The following XG variants were observed in gnomAD, a reference collection of about 807,000 sequenced individuals.
XG encodes the protein Xg glycoprotein (Xg blood group).
In XG, 24 loss-of-function variants were observed where a neutral mutation model predicts 25.7. The ratio of observed to expected loss-of-function variants is 0.93; its 90% CI spans 0.68 to 1.31. The LOEUF (loss-of-function observed/expected upper bound fraction) is 1.31, where lower values mean the gene tolerates loss of function less well. Ranked by LOEUF, XG falls within the 40% of genes most tolerant of loss-of-function variation. The probability of loss-of-function intolerance (pLI) is 0.00; values close to 1 mark genes in which losing one functional copy is unlikely to be tolerated. For missense variants in XG, 181 were observed against 187.6 expected (o/e 0.96, Z 0.21); for synonymous variants, 77 against 69.2 (o/e 1.11, Z -0.56).
At chrX:2,755,284 G>T (rs1186854470) in intron 1 of XG, among the ~76,000 whole-genome samples, 3 of 152,188 alleles carry the variant, frequency 2.0e-5, no homozygotes, top group Non-Finnish European at 2.9e-5. Flanking sequence ...CATTTTTATG[G>T]TTATTTCTTA....
intron 1 of XG, among the ~76,000 whole-genome samples, chrX:2,764,705 G>A (rs1431989623): frequency 2.0e-5 from 3 of 151,976 alleles, no homozygotes; most frequent in East Asian, 3.9e-4. Context: ...TGATTTAAAT[G>A]AACCCACACT....
chrX:2,790,851 AATT>A (rs1208752446), intron 5 of XG, among the ~76,000 whole-genome samples: 9 of 111,736 alleles, frequency 8.1e-5, no homozygotes, highest in Admixed American at 7.6e-4. Flanking sequence ...ATGACTTAAA[AATT>A]CTCATCTCCA....
chrX:2,769,411 C>T (rs1331522968), intron 1 of XG, among the ~76,000 whole-genome samples: 1 of 152,214 alleles, frequency 6.6e-6, no homozygotes, highest in African/African-American at 2.4e-5. Context: ...CTTCCCAGAA[C>T]CTCAGTTTCT....
At position 2,772,067 on chromosome X, in the gene XG, G is replaced by A. The variant is rs1012156875; in HGVS notation, c.103+1476G>A. 3.9e-5 allele frequency among the ~76,000 whole-genome samples: 6 copies of A among 152,178 alleles called. No homozygotes were observed. The South Asian group carries it at 6.2e-4, about 16-fold the overall frequency. ...TTCAGACTGAGTGTGTTGCACCAGC[G>A]TTTGGTCTGGATAAAGAATGAGGCA... On this transcript the variant is annotated intron_variant, in intron 2 of 10. Coordinates refer to ENST00000644266, the MANE Select transcript of XG (RefSeq NM_001141919.2).
chrX:2,765,697 G>A (rs1423811261), intron 1 of XG, among the ~76,000 whole-genome samples: 1 of 152,206 alleles, frequency 6.6e-6, no homozygotes, highest in Non-Finnish European at 1.5e-5. Context: ...ATAATTCAGT[G>A]GGGAGCAGAG....
intron 8 of XG, among the ~76,000 whole-genome samples, chrX:2,807,340 G>A (rs191631676): frequency 8.8e-6 from 1 of 113,268 alleles, no homozygotes; most frequent in East Asian, 2.8e-4. Flanking sequence ...GTGCATCTGG[G>A]TGTGCTCGTG....
intron 1 of XG, among the ~76,000 whole-genome samples, chrX:2,765,372 G>GGCAGGGAA: frequency 1.3e-5 from 1 of 76,842 alleles, no homozygotes; most frequent in East Asian, 4.5e-4. Flanking sequence ...GAAAGAGGGA[G>GGCAGGGAA]GGAGGGAAGG....
rs745433130 is a variant in XG at position 2,757,808 on chromosome X, C to T, written c.61+5473C>T. Among the ~76,000 whole-genome samples the T allele has an allele frequency of 4.1e-3, 617 of 151,074 alleles. 2 individuals are homozygous for T. Among genetic ancestry groups the T allele is most frequent in the African/African-American group, 0.014 (587 of 41,114 alleles). ...CCAACATGGCAGAACGCTGTTTCTA[C>T]TAAAAATACAAAAATTAGCCAGGCA... On this transcript the variant is annotated intron_variant, in intron 1 of 10. Transcript: ENST00000644266.
chrX:2,767,390 G>T, intron 1 of XG, among the ~76,000 whole-genome samples: 1 of 152,106 alleles, frequency 6.6e-6, no homozygotes, highest in South Asian at 2.1e-4. Context: ...CAGCAACCGA[G>T]GACCGTTGTC....
At chrX:2,756,658 A>G (rs1008140750) in intron 1 of XG, among the ~76,000 whole-genome samples, 6 of 152,202 alleles carry the variant, frequency 3.9e-5, no homozygotes, top group African/African-American at 1.4e-4. Context: ...TTCCAAGTCT[A>G]TTGTACATTA....
chrX:2,810,026 G>A (rs1233038965), intron 9 of XG, among the ~76,000 whole-genome samples: 1 of 112,237 alleles, frequency 8.9e-6, no homozygotes, highest in East Asian at 2.8e-4. Context: ...GCGTGTTCAT[G>A]TAGGGAGGGG....
At chrX:2,766,854 C>A (rs144832326) in intron 1 of XG, among the ~76,000 whole-genome samples, 13 of 152,070 alleles carry the variant, frequency 8.5e-5, no homozygotes, top group Non-Finnish European at 1.8e-4. Context: ...TGTGAGCCAC[C>A]GCGCCCAGCC....
intron 8 of XG, 127 bp downstream of exon 8, chrX:2,806,872 C>T (rs1185649806): frequency 3.7e-6 from 2 of 541,092 alleles, no homozygotes; most frequent in East Asian, 8.7e-5. Flanking sequence ...CCGTTCGAGT[C>T]TCTCATTTGC....
At chrX:2,768,285 C>T (rs1181532062) in intron 1 of XG, among the ~76,000 whole-genome samples, 2 of 152,138 alleles carry the variant, frequency 1.3e-5, no homozygotes, top group Admixed American at 6.5e-5. Flanking sequence ...TGGTCAACGG[C>T]GAACACAGAT....
chrX:2,777,177 G>A (rs1264399549), intron 3 of XG, among the ~76,000 whole-genome samples: 2 of 152,190 alleles, frequency 1.3e-5, no homozygotes, highest in African/African-American at 4.8e-5. Context: ...CTAAGTGATT[G>A]TTAGCTGTTT....
intron 1 of XG, among the ~76,000 whole-genome samples, chrX:2,756,569 A>G (rs2050439139): frequency 6.6e-6 from 1 of 151,006 alleles, no homozygotes; most frequent in Non-Finnish European, 1.5e-5. Flanking sequence ...GAAGCTATGT[A>G]CATCTGTTAT....
intron 3 of XG, among the ~76,000 whole-genome samples, chrX:2,780,279 G>A (rs1459401167): frequency 1.3e-5 from 2 of 150,606 alleles, no homozygotes; most frequent in Non-Finnish European, 1.5e-5. Context: ...TCGCTGACAA[G>A]AAAAATTCAA....
intron 5 of XG, among the ~76,000 whole-genome samples, chrX:2,791,007 C>T (rs2086832641): frequency 9.0e-6 from 1 of 110,598 alleles, no homozygotes; most frequent in Admixed American, 9.6e-5. Context: ...TGAAAAATAC[C>T]ATGCACACTA....
intron 2 of XG, among the ~76,000 whole-genome samples, chrX:2,773,929 G>C (rs1336344199): frequency 3.3e-5 from 5 of 152,066 alleles, no homozygotes; most frequent in African/African-American, 4.8e-5. Flanking sequence ...TAAAATACAG[G>C]ACATGCGAAA....
Sources: allele counts gnomAD v4.1 joint callset (sites outside exome capture counted in the v4.1 genomes callset), GRCh38; gene constraint gnomAD v4.1.1; transcripts MANE v1.5; gene names NCBI Gene and HGNC (gene_info 2026-07-23, HGNC 2026-07-21).